Variants in PLXDC2 observed in about 807,000 individuals in gnomAD.
PLXDC2 encodes the protein plexin domain-containing protein 2.
PLXDC2 carries 40 observed loss-of-function variants against 68.9 expected under a neutral mutation model. The observed-to-expected ratio is 0.58, with a 90% CI of 0.45 to 0.76. The LOEUF is 0.76. PLXDC2 is among the 30% of genes least tolerant of loss of function. The probability of loss-of-function intolerance (pLI) is 0.00; values close to 1 mark genes in which losing one functional copy is unlikely to be tolerated. For synonymous variants in PLXDC2, 243 were observed against 234.2 expected (o/e 1.04, Z -0.34); for missense variants, 644 against 661.9 (o/e 0.97, Z 0.30).
intron 13 of PLXDC2, among the ~76,000 whole-genome samples, chr10:20,247,329 G>A (rs1835612229): frequency 6.6e-6 from 1 of 151,002 alleles, no homozygotes; most frequent in Admixed American, 6.6e-5. Flanking sequence ...AGAAAAAAAT[G>A]AATGGGGCAT....
chr10:20,062,168 G>A (rs1836117100), intron 3 of PLXDC2, among the ~76,000 whole-genome samples: 1 of 152,210 alleles, frequency 6.6e-6, no homozygotes, highest in Non-Finnish European at 1.5e-5. Flanking sequence ...GCTCACGCCT[G>A]TAATCCCAGC....
At chr10:19,974,420 A>G (rs993660851) in intron 1 of PLXDC2, among the ~76,000 whole-genome samples, 1 of 152,380 alleles carries the variant, frequency 6.6e-6, no homozygotes, top group South Asian at 2.1e-4. Flanking sequence ...CAACATTAAC[A>G]TGGAAATATG....
At chr10:19,969,665 T>G (rs565324298) in intron 1 of PLXDC2, among the ~76,000 whole-genome samples, 7 of 152,342 alleles carry the variant, frequency 4.6e-5, no homozygotes, top group African/African-American at 1.7e-4. Context: ...TCTCTGAATA[T>G]TCATGAATGC....
At chr10:20,120,085 C>T (rs1433711132) in intron 4 of PLXDC2, among the ~76,000 whole-genome samples, 5 of 152,064 alleles carry the variant, frequency 3.3e-5, no homozygotes, top group South Asian at 2.1e-4. Flanking sequence ...CAGTGTAAAC[C>T]GGCAGTGTAA....
intron 12 of PLXDC2, among the ~76,000 whole-genome samples, chr10:20,233,700 G>A (rs1023732794): frequency 3.3e-5 from 5 of 152,126 alleles, no homozygotes; most frequent in Non-Finnish European, 4.4e-5. Flanking sequence ...TGCCAGGAGG[G>A]TTGCTTCTAA....
chr10:19,868,196 T>G (rs1340392386), intron 1 of PLXDC2, among the ~76,000 whole-genome samples: 2 of 152,158 alleles, frequency 1.3e-5, no homozygotes, highest in African/African-American at 2.4e-5. Flanking sequence ...GGGGAATTTG[T>G]GTAGAGATTA....
At chr10:20,184,331 G>A (rs1834650031) in intron 9 of PLXDC2, among the ~76,000 whole-genome samples, 2 of 148,448 alleles carry the variant, frequency 1.3e-5, no homozygotes, top group Admixed American at 1.4e-4. Flanking sequence ...CTTGTTTTAT[G>A]TGTATATAAA....
intron 9 of PLXDC2, among the ~76,000 whole-genome samples, chr10:20,184,839 T>C (rs1430182564): frequency 6.6e-6 from 1 of 151,854 alleles, no homozygotes; most frequent in Non-Finnish European, 1.5e-5. Flanking sequence ...TGTGGGTATG[T>C]CCTTTGCAGG....
At chr10:19,942,814 TTCTTCAAAAAATAC>T (rs1264839340) in intron 1 of PLXDC2, among the ~76,000 whole-genome samples, 1 of 152,124 alleles carries the variant, frequency 6.6e-6, no homozygotes, top group Non-Finnish European at 1.5e-5. Flanking sequence ...AATAATTGGG[TTCTTCAAAAAATAC>T]TCGAAAGAAA....
intron 5 of PLXDC2, among the ~76,000 whole-genome samples, chr10:20,147,472 T>C (rs4255445): frequency 0.23 from 34,463 of 152,094 alleles, 4,777 homozygotes; most frequent in East Asian, 0.51. Flanking sequence ...AAGTGGCTTA[T>C]GGAAATTTAA....
At chr10:20,005,144 A>T (rs1835007002) in intron 2 of PLXDC2, among the ~76,000 whole-genome samples, 1 of 152,202 alleles carries the variant, frequency 6.6e-6, no homozygotes, top group Non-Finnish European at 1.5e-5. Flanking sequence ...TACAGGGTTG[A>T]TCCTCTAGGC....
intron 4 of PLXDC2, among the ~76,000 whole-genome samples, chr10:20,103,643 T>A (rs1833451822): frequency 9.6e-6 from 1 of 103,660 alleles, no homozygotes; most frequent in Non-Finnish European, 1.7e-5. Flanking sequence ...TTTCTTTTTT[T>A]TTTTCTTTTT....
chr10:19,910,092 T>C (rs952730473), intron 1 of PLXDC2, among the ~76,000 whole-genome samples: 1 of 151,912 alleles, frequency 6.6e-6, no homozygotes, highest in Non-Finnish European at 1.5e-5. Flanking sequence ...GAAGTCACCA[T>C]TGTGTAACAG....
intron 1 of PLXDC2, among the ~76,000 whole-genome samples, chr10:19,834,916 T>C (rs1836762973): frequency 6.6e-6 from 1 of 152,148 alleles, no homozygotes; most frequent in Non-Finnish European, 1.5e-5. Flanking sequence ...GTGCATTCAC[T>C]ATGGCATTGA....
At chr10:19,920,887 A>T (rs867675314) in intron 1 of PLXDC2, among the ~76,000 whole-genome samples, 3 of 152,174 alleles carry the variant, frequency 2.0e-5, no homozygotes, top group South Asian at 2.1e-4. Context: ...CATTTAAATT[A>T]ACTTCAGTTT....
intron 10 of PLXDC2, among the ~76,000 whole-genome samples, chr10:20,216,114 A>T (rs1240951836): frequency 6.6e-6 from 1 of 152,106 alleles, no homozygotes; most frequent in African/African-American, 2.4e-5. Context: ...AACTAAAAAA[A>T]AAAAAAAATA....
chr10:19,967,177 G>A (rs559368789), intron 1 of PLXDC2, among the ~76,000 whole-genome samples: 2 of 152,164 alleles, frequency 1.3e-5, no homozygotes, highest in Non-Finnish European at 2.9e-5. Context: ...TGTATTAGCT[G>A]CATCAATCTA....
At chr10:20,158,250 A>G (rs1834242577) in intron 6 of PLXDC2, among the ~76,000 whole-genome samples, 1 of 152,120 alleles carries the variant, frequency 6.6e-6, no homozygotes, top group Non-Finnish European at 1.5e-5. Context: ...TTTTTGGTCC[A>G]TATGTTCATT....
At chr10:20,000,275 T>TG (rs1554852087) in intron 1 of PLXDC2, among the ~76,000 whole-genome samples, 62 of 151,908 alleles carry the variant, frequency 4.1e-4, no homozygotes, top group African/African-American at 9.9e-4. Flanking sequence ...TGAGTTTTTT[T>TG]TTTTGTTTTG....
Sources: gnomAD v4.1 joint callset for allele counts (sites outside exome capture counted in the v4.1 genomes callset) on GRCh38, gnomAD v4.1.1 for gene constraint, MANE v1.5 for transcripts, NCBI Gene and HGNC (gene_info 2026-07-23, HGNC 2026-07-21) for gene names.